Variants in PSMG4 observed in about 807,000 individuals in gnomAD.
The protein encoded by PSMG4 is proteasome assembly chaperone 4.
In PSMG4, 10 loss-of-function variants were observed where a neutral mutation model predicts 11.0. That is an observed-to-expected ratio of 0.91 (90% CI 0.56 to 1.54). The LOEUF (loss-of-function observed/expected upper bound fraction) is 1.54, where lower values mean the gene tolerates loss of function less well. PSMG4 is among the 40% of genes most tolerant of loss of function. The pLI is 0.00. For missense variants in PSMG4, 198 were observed against 160.9 expected (o/e 1.23, Z -1.25); for synonymous variants, 95 against 71.3 (o/e 1.33, Z -1.68).
upstream of PSMG4, chr6:3,258,813 C>A: frequency 2.5e-6 from 1 of 403,572 alleles, no homozygotes; most frequent in South Asian, 1.3e-4. Flanking sequence ...GACAGCTACT[C>A]CGCCCAGGGC....
In PSMG4 at chr6:3,259,209, C is replaced by A; in HGVS notation, c.174+13C>A. The A allele has an allele frequency of 6.3e-6, 8 of 1,270,116 alleles. No individual in the cohort carries two copies. Among genetic ancestry groups the A allele is most frequent in the Non-Finnish European group, 7.9e-6 (8 of 1,010,320 alleles). 78.7% of individuals were successfully genotyped at this position (1,270,116 alleles called of 1,614,324 possible). A position where few individuals can be genotyped will look rare whatever the true frequency, so the allele number is the denominator to read the frequency against. On this transcript the variant is annotated intron_variant, in intron 1 of 2. Coordinates refer to ENST00000438998, the MANE Select transcript of PSMG4 (RefSeq NM_001128591.2). ...GTGCAGCCGCTACGTGAGTGCCTGGCGGCCGAGGGTGCGGGCGGCGGGGCG... is the reference window on the plus strand; with the variant it reads ...GTGCAGCCGCTACGTGAGTGCCTGGAGGCCGAGGGTGCGGGCGGCGGGGCG...
At chr6:3,260,632 C>G (rs543590518) in intron 1 of PSMG4, among the ~76,000 whole-genome samples, 1 of 152,272 alleles carries the variant, frequency 6.6e-6, no homozygotes, top group East Asian at 1.9e-4. Flanking sequence ...TTAGCCGCCG[C>G]GCCTGGTCTA....
At chr6:3,258,873 C>T (rs970110278), upstream of PSMG4, 3 of 739,358 alleles carry the variant, frequency 4.1e-6, no homozygotes, top group East Asian at 6.8e-5. Context: ...CCGGGATCGC[C>T]CCTCCCCGAC....
At chr6:3,266,683 A>G (rs1758193782) in intron 2 of PSMG4, 1 of 151,998 alleles carries the variant, frequency 6.6e-6, no homozygotes, top group Non-Finnish European at 1.5e-5. Flanking sequence ...AGGGGACTAA[A>G]ACTTACATTC....
upstream of PSMG4, chr6:3,254,938 G>A: frequency 8.4e-7 from 1 of 1,197,580 alleles, no homozygotes. Flanking sequence ...TCTCTCACTG[G>A]GTGTCAGCTG....
At chr6:3,265,812 A>AGTTAT (rs1758160889) in intron 2 of PSMG4, 6 of 152,188 alleles carry the variant, frequency 3.9e-5, no homozygotes, top group African/African-American at 1.4e-4. Context: ...TCGGGGGCAC[A>AGTTAT]CTGCACCCAG....
At position 3,259,181 on chromosome 6, in the gene PSMG4, C is replaced by T. The variant is rs114252161; in HGVS notation, c.159C>T (p.Ala53=). ...CGCACCTGCGCAACCTCGCCGTGGCCATGTGCAGCCGCTACGTGAGTGCCT... is the reference window on the plus strand; with the variant it reads ...CGCACCTGCGCAACCTCGCCGTGGCTATGTGCAGCCGCTACGTGAGTGCCT... ...ATPHLRNLAV[A]MCSRYDSIPV... is the part of the protein sequence containing the mutation. The change falls in exon 1 of 3, where the codon GCC becomes GCT. Residue 53 remains alanine, a synonymous_variant. Transcript: ENST00000438998. 24 of 1,309,500 alleles carry T rather than the reference C, an allele frequency of 1.8e-5. No homozygotes were observed. The highest frequency in any genetic ancestry group is 2.4e-5 in the South Asian group (1 of 42,220). 81.1% of individuals were successfully genotyped at this position (1,309,500 alleles called of 1,614,324 possible).
At position 3,259,016 on chromosome 6, in the gene PSMG4, G is replaced by C; in HGVS notation, c.-7G>C. On this transcript the variant is annotated 5_prime_UTR_variant, in exon 1 of 3. Transcript: ENST00000438998. ...CTGGCGCTGTGGGCCGGGAGCCGTGGGGCGGCATGGAGGGGCTGGTTGTCG... is the reference window on the plus strand; with the variant it reads ...CTGGCGCTGTGGGCCGGGAGCCGTGCGGCGGCATGGAGGGGCTGGTTGTCG... 1 of 1,244,504 alleles carries C rather than the reference G, an allele frequency of 8.0e-7. No individual in the cohort carries two copies. The allele number at this position is 1,244,504 out of a possible 1,614,324, so 77.1% of individuals were successfully genotyped here. A position where few individuals can be genotyped will look rare whatever the true frequency, so the allele number is the denominator to read the frequency against.
intron 1 of PSMG4, among the ~76,000 whole-genome samples, chr6:3,261,810 G>T (rs771298240): frequency 2.0e-5 from 3 of 152,228 alleles, no homozygotes; most frequent in Non-Finnish European, 2.9e-5. Context: ...TACCGTCCAT[G>T]CAGGTAGACT....
upstream of PSMG4, among the ~76,000 whole-genome samples, chr6:3,254,472 GATAA>G (rs1408780515): frequency 2.4e-4 from 37 of 151,908 alleles, no homozygotes; most frequent in Non-Finnish European, 4.6e-4. Context: ...TGTCTTTTTA[GATAA>G]ATATTGTTGC....
At chr6:3,265,219 G>T (rs1173215167) in intron 2 of PSMG4, 3 of 152,224 alleles carry the variant, frequency 2.0e-5, no homozygotes, top group Non-Finnish European at 4.4e-5. Flanking sequence ...GGACCAAGAA[G>T]GTTTTCCAGC....
intron 1 of PSMG4, among the ~76,000 whole-genome samples, chr6:3,259,515 G>A (rs1277056372): frequency 1.3e-5 from 2 of 152,216 alleles, no homozygotes; most frequent in Non-Finnish European, 2.9e-5. Flanking sequence ...TAGCTCTCCT[G>A]CCATCTGGAT....
upstream of PSMG4, chr6:3,255,296 C>A: frequency 3.9e-6 from 6 of 1,525,164 alleles, no homozygotes; most frequent in Non-Finnish European, 8.8e-7. Context: ...GGTGCCCATC[C>A]TGGGAGAGTG....
upstream of PSMG4, among the ~76,000 whole-genome samples, chr6:3,254,478 T>A (rs1441295340): frequency 6.6e-6 from 1 of 152,070 alleles, no homozygotes. Flanking sequence ...TTTAGATAAA[T>A]ATTGTTGCTG....
intron 1 of PSMG4, among the ~76,000 whole-genome samples, chr6:3,260,538 C>T (rs995134465): frequency 6.6e-6 from 1 of 151,992 alleles, no homozygotes; most frequent in African/African-American, 2.4e-5. Context: ...CCGCCTGCCT[C>T]GGCCTCCCAA....
chr6:3,262,130 C>T (rs553786128), intron 1 of PSMG4, among the ~76,000 whole-genome samples: 32 of 152,282 alleles, frequency 2.1e-4, no homozygotes, highest in Non-Finnish European at 3.7e-4. Flanking sequence ...GGAAGCTGGC[C>T]TGGGACCTGG....
In PSMG4 at chr6:3,267,486, A is replaced by G. The variant is rs1293260775; in HGVS notation, c.251-105A>G. 3 of 1,354,052 alleles carry G rather than the reference A, an allele frequency of 2.2e-6. No individual in the cohort carries two copies. In the South Asian group the frequency reaches 4.2e-5, roughly 19 times the overall value. The allele number at this position is 1,354,052 out of a possible 1,614,324, so 83.9% of individuals were successfully genotyped here. A position where few individuals can be genotyped will look rare whatever the true frequency, so the allele number is the denominator to read the frequency against. On this transcript the variant is annotated intron_variant, in intron 2 of 2. Transcript: ENST00000438998. ...GATTAGAGCTTTCTTTTCTCCCTAC[A>G]ACCCCATCCTCTTTCTGAGCATTTC... is the stretch of plus-strand genomic sequence containing the variant.
chr6:3,261,956 C>T (rs72847872), intron 1 of PSMG4, among the ~76,000 whole-genome samples: 2,808 of 152,344 alleles, frequency 0.018, 32 homozygotes, highest in Non-Finnish European at 0.031. Context: ...TGGCACCAGA[C>T]GGTCTGTGAG....
chr6:3,254,926 A>T, upstream of PSMG4: 1 of 1,090,102 alleles, frequency 9.2e-7, no homozygotes, highest in Middle Eastern at 2.4e-4. Flanking sequence ...TGCTTCAGCC[A>T]TTCTCTCACT....
Sources: gnomAD v4.1 joint callset for allele counts (sites outside exome capture counted in the v4.1 genomes callset) on GRCh38, gnomAD v4.1.1 for gene constraint, MANE v1.5 for transcripts, NCBI Gene and HGNC (gene_info 2026-07-23, HGNC 2026-07-21) for gene names.